The following PLCB4 variants were observed in gnomAD, a reference collection of about 807,000 sequenced individuals.
PLCB4 encodes 1-phosphatidylinositol 4,5-bisphosphate phosphodiesterase beta-4.
A neutral mutation model predicts 178.8 loss-of-function variants in PLCB4; 77 were observed. That is an observed-to-expected ratio of 0.43 (90% CI 0.36 to 0.52). The LOEUF (loss-of-function observed/expected upper bound fraction) is 0.52. PLCB4 is among the 20% of genes least tolerant of loss of function. The probability of loss-of-function intolerance (pLI) is 0.00; values close to 1 mark genes in which losing one functional copy is unlikely to be tolerated. For synonymous variants in PLCB4, 496 were observed against 490.8 expected, an observed-to-expected ratio of 1.01 and a Z score of -0.14; for missense variants, 1,024 against 1,453.4, an observed-to-expected ratio of 0.70 and a Z score of 4.80.
At chr20:9,288,014 A>G (rs1024404388) in intron 3 of PLCB4, among the ~76,000 whole-genome samples, 2 of 152,226 alleles carry the variant, frequency 1.3e-5, no homozygotes, top group African/African-American at 4.8e-5. Context: ...CAGCTCCACC[A>G]GCAGGATTGT....
chr20:9,316,483 T>A (rs915203018), intron 4 of PLCB4, among the ~76,000 whole-genome samples: 1 of 152,178 alleles, frequency 6.6e-6, no homozygotes, highest in Non-Finnish European at 1.5e-5. Context: ...GGCCAAAAGG[T>A]TGGAGAAGAC....
chr20:9,254,148 C>T (rs2094209785), intron 3 of PLCB4, among the ~76,000 whole-genome samples: 1 of 152,044 alleles, frequency 6.6e-6, no homozygotes, highest in Admixed American at 6.6e-5. Context: ...AATAAGAAGA[C>T]TAATCTAAAA....
intron 2 of PLCB4, among the ~76,000 whole-genome samples, chr20:9,176,989 GAA>G (rs973793308): frequency 2.0e-5 from 3 of 152,110 alleles, no homozygotes; most frequent in Non-Finnish European, 4.4e-5. Context: ...AACTGAGAAA[GAA>G]TGATTATATA....
intron 2 of PLCB4, among the ~76,000 whole-genome samples, chr20:9,121,207 T>TCACCTAA (rs2091953427): frequency 1.3e-5 from 2 of 152,154 alleles, no homozygotes; most frequent in Non-Finnish European, 2.9e-5. Context: ...CACTTGGAAT[T>TCACCTAA]CACCTAACAC....
At chr20:9,472,746 C>T in intron 36 of PLCB4, 44 bp from the exon 37 acceptor site, 2 of 1,139,210 alleles carry the variant, frequency 1.8e-6, no homozygotes, top group Non-Finnish European at 2.6e-6. Context: ...ATATTAATTT[C>T]ATTCAATGTC....
At chr20:9,078,227 C>T (rs2089970322) in intron 1 of PLCB4, among the ~76,000 whole-genome samples, 1 of 152,256 alleles carries the variant, frequency 6.6e-6, no homozygotes, top group Admixed American at 6.5e-5. Context: ...GCAGTCCCCC[C>T]ACCTCAGCCT....
intron 2 of PLCB4, among the ~76,000 whole-genome samples, chr20:9,119,562 A>G (rs2091893143): frequency 1.3e-5 from 2 of 151,668 alleles, no homozygotes; most frequent in Non-Finnish European, 2.9e-5. Context: ...CAATTTTACC[A>G]TACAGTTTTA....
intron 2 of PLCB4, among the ~76,000 whole-genome samples, chr20:9,203,056 A>ATATATATAT (rs1555875421): frequency 3.2e-5 from 4 of 126,162 alleles, no homozygotes; most frequent in African/African-American, 1.3e-4. Context: ...AAAAAAAAAA[A>ATATATATAT]ATATATATAT....
intron 17 of PLCB4, among the ~76,000 whole-genome samples, chr20:9,392,464 G>A (rs1300882359): frequency 6.6e-6 from 1 of 152,160 alleles, no homozygotes; most frequent in African/African-American, 2.4e-5. Context: ...AAATGGAGAG[G>A]ATATTTCCTG....
At chr20:9,309,790 T>A (rs1309455126) in intron 4 of PLCB4, among the ~76,000 whole-genome samples, 1 of 152,218 alleles carries the variant, frequency 6.6e-6, no homozygotes, top group Non-Finnish European at 1.5e-5. Flanking sequence ...AGAGATTCAT[T>A]TGAATCCTTC....
chr20:9,273,336 A>C (rs955465413), intron 3 of PLCB4, among the ~76,000 whole-genome samples: 1 of 152,130 alleles, frequency 6.6e-6, no homozygotes, highest in African/African-American at 2.4e-5. Context: ...TGAAGTAAGC[A>C]CTGTGATTAT....
At position 9,303,000 on chromosome 20, in the gene PLCB4, G is replaced by A. The variant is rs1234020345; in HGVS notation, c.-15-4800G>A. On this transcript the variant is annotated intron_variant, in intron 3 of 39. Coordinates refer to ENST00000378473, the MANE Select transcript of PLCB4 (RefSeq NM_001377142.1). Reference sequence around the variant, plus strand: ...AACACATAAAATTCTGCAGAAAAGAGATGTTTTGCCCACCATTCTTCACAG... The same window carrying A: ...AACACATAAAATTCTGCAGAAAAGAAATGTTTTGCCCACCATTCTTCACAG... 2.0e-5 allele frequency among the ~76,000 whole-genome samples: 3 copies of A among 152,142 alleles called. 1 individual carries two copies. Among genetic ancestry groups the A allele is most frequent in the Non-Finnish European group, 4.4e-5 (3 of 68,028 alleles).
chr20:9,184,701 A>G (rs992803339), intron 2 of PLCB4, among the ~76,000 whole-genome samples: 1 of 151,642 alleles, frequency 6.6e-6, no homozygotes, highest in East Asian at 1.9e-4. Flanking sequence ...CATCGCCACT[A>G]TGAACCGATT....
Position 9,479,867 on chromosome 20 carries a change from T to A in PLCB4, c.*858T>A, listed in dbSNP as rs1190030502. On this transcript the variant is annotated 3_prime_UTR_variant, in exon 40 of 40. Transcript: ENST00000378473. The stretch of plus-strand genomic sequence containing the variant: ...GATTAGTAAACAGGAATACTAGAAC[T>A]ATGTTTGCATGATACACAAGCACCA... The A allele has an allele frequency of 6.6e-6, 1 of 152,534 alleles. No homozygotes were observed. Among genetic ancestry groups the A allele is most frequent in the African/African-American group, 2.4e-5 (1 of 41,452 alleles). The allele number at this position is 152,534 out of a possible 1,614,324, so 9.4% of individuals were successfully genotyped here. A position where few individuals can be genotyped will look rare whatever the true frequency, so the allele number is the denominator to read the frequency against.
chr20:9,425,275 A>G (rs189102516), intron 28 of PLCB4, among the ~76,000 whole-genome samples: 8 of 152,340 alleles, frequency 5.3e-5, no homozygotes, highest in Non-Finnish European at 8.8e-5. Flanking sequence ...GAGTTAAATC[A>G]TACTCCACAT....
chr20:9,434,243 A>G, intron 28 of PLCB4, among the ~76,000 whole-genome samples: 1 of 152,262 alleles, frequency 6.6e-6, no homozygotes, highest in Non-Finnish European at 1.5e-5. Flanking sequence ...TTTAAAAAAT[A>G]TCAGAAAGGA....
intron 2 of PLCB4, among the ~76,000 whole-genome samples, chr20:9,131,757 T>A (rs2092278308): frequency 6.6e-6 from 1 of 152,168 alleles, no homozygotes; most frequent in Non-Finnish European, 1.5e-5. Flanking sequence ...TCTATTATAT[T>A]CCTCATTGAC....
intron 2 of PLCB4, among the ~76,000 whole-genome samples, chr20:9,133,469 G>T (rs576324314): frequency 1.3e-5 from 2 of 152,102 alleles, no homozygotes; most frequent in East Asian, 3.9e-4. Flanking sequence ...GTTTCACCTT[G>T]TTGGCCAGGT....
At chr20:9,276,116 T>G (rs901455556) in intron 3 of PLCB4, among the ~76,000 whole-genome samples, 1 of 152,058 alleles carries the variant, frequency 6.6e-6, no homozygotes, top group Admixed American at 6.6e-5. Context: ...CACAAACATG[T>G]AATGGCTTGA....
Sources: gnomAD v4.1 joint callset for allele counts (sites outside exome capture counted in the v4.1 genomes callset) on GRCh38, gnomAD v4.1.1 for gene constraint, MANE v1.5 for transcripts, NCBI Gene and HGNC (gene_info 2026-07-23, HGNC 2026-07-21) for gene names.